The following MGAM variants were observed in gnomAD, a reference collection of about 807,000 sequenced individuals.
MGAM encodes alpha-1,4-glucosidase.
In MGAM, 253 loss-of-function variants were observed where a neutral mutation model predicts 358.8. The ratio of observed to expected loss-of-function variants is 0.71; its 90% CI spans 0.64 to 0.78. The LOEUF (loss-of-function observed/expected upper bound fraction) is 0.78. Ranked by LOEUF, MGAM falls within the 30% of genes least tolerant of loss-of-function variation. The probability of loss-of-function intolerance (pLI) is 0.00; values close to 1 mark genes in which losing one functional copy is unlikely to be tolerated. For missense variants in MGAM, 3,080 were observed against 3,432.6 expected, an observed-to-expected ratio of 0.90 and a Z score of 2.57; for synonymous variants, 1,105 against 1,227.1, an observed-to-expected ratio of 0.90 and a Z score of 2.08.
chr7:142,067,984 A>ATTTT (rs1229871526), intron 42 of MGAM, among the ~76,000 whole-genome samples: 2 of 5,822 alleles, frequency 3.4e-4, no homozygotes, highest in African/African-American at 5.0e-4. Flanking sequence ...ATATATATAT[A>ATTTT]TATTTTTTTT....
Position 142,051,444 on chromosome 7 carries a change from C to A in MGAM, c.2805+580C>A, listed in dbSNP as rs1294777822. On this transcript the variant is annotated intron_variant, in intron 24 of 70. Coordinates refer to ENST00000475668, the MANE Select transcript of MGAM (RefSeq NM_001365693.1). Reference sequence around the variant, plus strand: ...AGGAGACTAGGAGAAGGATGATAATCTTTAGAATGTGATTTTTGTACTCCA... The same window carrying A: ...AGGAGACTAGGAGAAGGATGATAATATTTAGAATGTGATTTTTGTACTCCA... Among the ~76,000 whole-genome samples, 3 of 152,050 alleles carry A rather than the reference C, an allele frequency of 2.0e-5. 1 individual carries two copies. The Middle Eastern group carries it at 9.5e-3, about 481-fold the overall frequency.
At chr7:142,019,458 C>A in intron 4 of MGAM, 139 bp downstream of exon 4, 1 of 913,204 alleles carries the variant, frequency 1.1e-6, no homozygotes, top group Non-Finnish European at 1.6e-6. Context: ...TGCTCTTAAT[C>A]GAGGACTAGA....
chr7:142,044,271 TTATATACACATAC>T (rs1809634369), intron 21 of MGAM, among the ~76,000 whole-genome samples: 1 of 66,624 alleles, frequency 1.5e-5, no homozygotes, highest in East Asian at 3.7e-4. Flanking sequence ...AATATATACA[TTATATACACATAC>T]GACATATAAT....
intron 70 of MGAM, among the ~76,000 whole-genome samples, chr7:142,104,098 T>C (rs10250021): frequency 0.94 from 142,333 of 152,182 alleles, 67,201 homozygotes; most frequent in Non-Finnish European, 1. Flanking sequence ...GTGATCCGCC[T>C]GCCTTGGCCT....
rs1273655056 is a variant in MGAM at position 142,074,802 on chromosome 7, G to A, written c.5275+629G>A. 3.4e-5 allele frequency among the ~76,000 whole-genome samples: 5 copies of A among 146,310 alleles called. 1 individual carries two copies. The highest frequency in any genetic ancestry group is 1.2e-4 in the African/African-American group (5 of 41,144). On this transcript the variant is annotated intron_variant, in intron 45 of 70. Transcript: ENST00000475668. ...TTAAAAATTAATTATTTATTTGGTA[G>A]TCAAATATTTTGTTGGCAAATAAAG...
At chr7:142,102,754 A>AACAAG in intron 69 of MGAM, 75 bp downstream of exon 69, 1 of 1,350,842 alleles carries the variant, frequency 7.4e-7, no homozygotes, top group South Asian at 1.2e-5. Flanking sequence ...AAGGGCATAA[A>AACAAG]ATACCACCTA....
chr7:142,050,158 G>A, intron 22 of MGAM, 77 bp from the exon 23 acceptor site: 1 of 1,434,674 alleles, frequency 7.0e-7, no homozygotes, highest in Non-Finnish European at 9.8e-7. Flanking sequence ...AGGCATAGCT[G>A]AAAGGAGTGG....
In MGAM at chr7:142,056,827, C is replaced by A; in HGVS notation, c.3581-3C>A. 6 of 1,613,328 alleles carry A rather than the reference C, an allele frequency of 3.7e-6. No homozygotes were observed. The highest frequency in any genetic ancestry group is 5.1e-6 in the Non-Finnish European group (6 of 1,179,662). ...GAGGCTTGGCATTTTTCTTTATTTT[C>A]AGATGTGACGTTCCAGCCCCTGCCT... On this transcript the variant is annotated splice_polypyrimidine_tract_variant and splice_region_variant and intron_variant, in intron 29 of 70. Coordinates refer to ENST00000475668, the MANE Select transcript of MGAM (RefSeq NM_001365693.1).
At chr7:142,105,650 G>A (rs913200063) in intron 70 of MGAM, among the ~76,000 whole-genome samples, 164 bp from the exon 71 acceptor site, 14 of 152,170 alleles carry the variant, frequency 9.2e-5, no homozygotes, top group African/African-American at 3.4e-4. Context: ...TAAAAAATTA[G>A]AAAACACCCT....
chr7:142,084,149 T>G (rs1179041061), intron 53 of MGAM, among the ~76,000 whole-genome samples: 1 of 146,288 alleles, frequency 6.8e-6, no homozygotes, highest in Non-Finnish European at 1.5e-5. Context: ...TATACCCTTA[T>G]TTACAGATGA....
intron 34 of MGAM, 148 bp downstream of exon 34, chr7:142,060,521 C>A: frequency 5.5e-6 from 5 of 916,530 alleles, no homozygotes; most frequent in Non-Finnish European, 8.4e-6. Context: ...ATTCTGTATG[C>A]CTATTACTTT....
At chr7:142,023,916 C>T (rs1357188730) in intron 7 of MGAM, among the ~76,000 whole-genome samples, 5 of 152,058 alleles carry the variant, frequency 3.3e-5, no homozygotes, top group Non-Finnish European at 7.4e-5. Flanking sequence ...GCTTTCAGTC[C>T]CTTCTTCCAT....
chr7:142,026,158 T>C (rs1388125202), intron 8 of MGAM, among the ~76,000 whole-genome samples: 1 of 152,170 alleles, frequency 6.6e-6, no homozygotes, highest in Non-Finnish European at 1.5e-5. Context: ...AGAATGGTGA[T>C]TGGCACATAG....
chr7:141,990,004 A>T (rs1454719418), intron 2 of MGAM, among the ~76,000 whole-genome samples: 3 of 152,160 alleles, frequency 2.0e-5, no homozygotes, highest in Non-Finnish European at 4.4e-5. Context: ...ACTGGGCCTC[A>T]TCTGTCACTT....
chr7:141,996,923 G>C (rs939531354), intron 1 of MGAM, among the ~76,000 whole-genome samples: 1 of 152,088 alleles, frequency 6.6e-6, no homozygotes, highest in Non-Finnish European at 1.5e-5. Context: ...GGGAGTGCTC[G>C]TGGGAAGAGG....
At chr7:142,004,441 C>T (rs1203621133) in intron 1 of MGAM, 1 of 151,900 alleles carries the variant, frequency 6.6e-6, no homozygotes, top group Non-Finnish European at 1.5e-5. Context: ...GACCCAGAAA[C>T]AGAAAGTAAA....
At chr7:142,021,162 T>C (rs1554458655) in intron 5 of MGAM, 79 bp downstream of exon 5, 2 of 1,032,262 alleles carry the variant, frequency 1.9e-6, no homozygotes, top group Non-Finnish European at 2.8e-6. Context: ...TACTACAAAA[T>C]AGAAAATTTT....
intron 21 of MGAM, among the ~76,000 whole-genome samples, chr7:142,045,419 C>A (rs1339468724): frequency 1.9e-5 from 2 of 104,600 alleles, no homozygotes; most frequent in African/African-American, 3.9e-5. Context: ...ATTATATATA[C>A]CTATAATACA....
rs1226270829 is a variant in MGAM, at chr7:142,068,681, C to G, written c.5039C>G (p.Ala1680Gly). The G allele has an allele frequency of 2.0e-6, 3 of 1,535,996 alleles. No homozygotes were observed. Among genetic ancestry groups the G allele is most frequent in the Non-Finnish European group, 1.8e-6 (2 of 1,116,414 alleles). ...ARNVTAYFPR[A>G]RWYDYYTGVD... ...AATGTCACTGCATATTTCCCTAGAG[C>G]CCGTTGGTACGATTACTACACGGTA... Residue 1680 changes from alanine (A) to glycine (G), a missense_variant, in exon 43 of 71, where the codon GCC becomes GGC. Ala to Gly is a moderately conservative substitution (Grantham distance 60, BLOSUM62 0). Coordinates refer to ENST00000475668, the MANE Select transcript of MGAM (RefSeq NM_001365693.1).
Sources: allele counts gnomAD v4.1 joint callset (sites outside exome capture counted in the v4.1 genomes callset), GRCh38; gene constraint gnomAD v4.1.1; transcripts MANE v1.5; gene names NCBI Gene and HGNC (gene_info 2026-07-23, HGNC 2026-07-21).